Variants in GABRG3 observed in about 807,000 individuals in gnomAD.
GABRG3 encodes gamma-aminobutyric acid type A receptor subunit gamma3, also known as gamma-aminobutyric acid receptor subunit gamma-3.
Under a neutral mutation model 48.8 loss-of-function variants are expected in GABRG3, and 25 were observed. The observed-to-expected ratio is 0.51, with a 90% CI of 0.37 to 0.72. The LOEUF (loss-of-function observed/expected upper bound fraction) is 0.72, where lower values mean the gene tolerates loss of function less well. Ranked by LOEUF, GABRG3 falls within the 30% of genes least tolerant of loss-of-function variation. The pLI is 0.00. For synonymous variants in GABRG3, 227 were observed against 217.6 expected, an observed-to-expected ratio of 1.04 and a Z score of -0.38; for missense variants, 394 against 577.9, an observed-to-expected ratio of 0.68 and a Z score of 3.26.
At chr15:27,364,944 C>T (rs1190282666) in intron 5 of GABRG3, 1 of 150,902 alleles carries the variant, frequency 6.6e-6, no homozygotes, top group Non-Finnish European at 1.5e-5. Context: ...AAGAAACTTG[C>T]AAGACTAGGA....
intron 3 of GABRG3, among the ~76,000 whole-genome samples, chr15:27,063,334 T>C (rs1322420876): frequency 6.6e-6 from 1 of 152,224 alleles, no homozygotes; most frequent in Non-Finnish European, 1.5e-5. Flanking sequence ...GTTTGGATGT[T>C]TGTCCCCTCC....
chr15:27,134,628 G>C (rs79580844), intron 3 of GABRG3, among the ~76,000 whole-genome samples: 2,783 of 152,160 alleles, frequency 0.018, 90 homozygotes, highest in African/African-American at 0.064. Context: ...CTCTCCTAGT[G>C]TTCACTGTCC....
chr15:27,356,029 A>G (rs994760848), intron 5 of GABRG3, among the ~76,000 whole-genome samples: 1 of 152,208 alleles, frequency 6.6e-6, no homozygotes, highest in Non-Finnish European at 1.5e-5. Flanking sequence ...AAGGTCTGGA[A>G]TTAGATTGTT....
Position 27,102,704 on chromosome 15 carries a change from C to G in GABRG3, c.270+75883C>G, listed in dbSNP as rs575642847. Among the ~76,000 whole-genome samples the G allele has an allele frequency of 5.3e-5, 8 of 152,224 alleles. No homozygotes were observed. The East Asian group carries it at 1.2e-3, about 22-fold the overall frequency. ...TGCTATGGGTTGAATTACAGTATTT[C>G]CACCATATAATTGTGAGCTTACTTC... On this transcript the variant is annotated intron_variant, in intron 3 of 9. Transcript: ENST00000615808.
At chr15:27,326,295 A>G (rs1460381352) in intron 3 of GABRG3, among the ~76,000 whole-genome samples, 3 of 152,220 alleles carry the variant, frequency 2.0e-5, no homozygotes, top group Non-Finnish European at 4.4e-5. Context: ...GTTGCTTGAG[A>G]AGACTCAAGT....
At chr15:27,112,801 TATCA>T (rs1414240746) in intron 3 of GABRG3, among the ~76,000 whole-genome samples, 5 of 152,198 alleles carry the variant, frequency 3.3e-5, no homozygotes, top group Admixed American at 3.3e-4. Context: ...GTGGACACCC[TATCA>T]ATCAGTCAGC....
chr15:27,084,878 T>G (rs1897050499), intron 3 of GABRG3, among the ~76,000 whole-genome samples: 2 of 152,090 alleles, frequency 1.3e-5, no homozygotes, highest in Admixed American at 1.3e-4. Context: ...ACAGATGGGA[T>G]CAACATAAAA....
chr15:27,153,095 T>C (rs1379974441), intron 3 of GABRG3, among the ~76,000 whole-genome samples: 2 of 152,152 alleles, frequency 1.3e-5, no homozygotes, highest in Non-Finnish European at 2.9e-5. Flanking sequence ...TCTCCTGACC[T>C]TGTGATCCGC....
intron 2 of GABRG3, among the ~76,000 whole-genome samples, chr15:26,982,166 G>A (rs1026049493): frequency 3.3e-5 from 5 of 152,210 alleles, no homozygotes; most frequent in Non-Finnish European, 7.3e-5. Context: ...CTAGTGTGAA[G>A]AGTGTGCAGC....
chr15:27,262,198 T>C (rs1890788909), intron 3 of GABRG3, among the ~76,000 whole-genome samples: 2 of 152,240 alleles, frequency 1.3e-5, no homozygotes, highest in Non-Finnish European at 2.9e-5. Context: ...CAAGGGGAGC[T>C]GAGTGCCTCG....
chr15:27,255,891 T>C (rs1219475511), intron 3 of GABRG3, among the ~76,000 whole-genome samples: 2 of 151,352 alleles, frequency 1.3e-5, no homozygotes, highest in Non-Finnish European at 2.9e-5. Context: ...AGCATGTGTT[T>C]AGTGACTTTT....
rs867579616 is a variant in GABRG3 at position 27,216,789 on chromosome 15, T to A, written c.271-110020T>A. ...TTATTTATTTTTTAATTTTTTTTTT[T>A]ATTATACTCTAAGTTTTAGGGTACA... is the stretch of plus-strand genomic sequence containing the variant. On this transcript the variant is annotated intron_variant, in intron 3 of 9. Transcript: ENST00000615808. Among the ~76,000 whole-genome samples the A allele has an allele frequency of 6.0e-3, 745 of 124,644 alleles. 7 individuals carry two copies. Among genetic ancestry groups the A allele is most frequent in the Middle Eastern group, 8.1e-3 (2 of 246 alleles). The allele number at this position is 124,644 out of a possible 152,430, so 81.8% of individuals were successfully genotyped here.
At chr15:27,402,039 A>G (rs1287018611) in intron 5 of GABRG3, among the ~76,000 whole-genome samples, 1 of 152,222 alleles carries the variant, frequency 6.6e-6, no homozygotes, top group Non-Finnish European at 1.5e-5. Context: ...TGATGATTTT[A>G]TTTTAAAATA....
intron 3 of GABRG3, among the ~76,000 whole-genome samples, chr15:27,028,805 C>CAAAA (rs35610809): frequency 9.8e-6 from 1 of 102,550 alleles, no homozygotes; most frequent in Admixed American, 1.1e-4. Context: ...GACTTCATCT[C>CAAAA]AAAAAAAAAA....
At chr15:27,038,968 A>G (rs899008755) in intron 3 of GABRG3, among the ~76,000 whole-genome samples, 9 of 152,238 alleles carry the variant, frequency 5.9e-5, no homozygotes, top group Non-Finnish European at 8.8e-5. Context: ...CAGAGCCAGC[A>G]GAAATCAAAT....
At chr15:27,485,266 A>G (rs1890194129) in intron 6 of GABRG3, among the ~76,000 whole-genome samples, 1 of 152,188 alleles carries the variant, frequency 6.6e-6, no homozygotes, top group Admixed American at 6.5e-5. Context: ...GTGAAAGTCA[A>G]TAATTAAAAT....
intron 5 of GABRG3, among the ~76,000 whole-genome samples, chr15:27,370,422 A>G (rs1169452620): frequency 6.6e-6 from 1 of 152,174 alleles, no homozygotes; most frequent in Non-Finnish European, 1.5e-5. Context: ...TTAGCTGTGG[A>G]CATCAGACAA....
chr15:27,065,230 C>A (rs571711791), intron 3 of GABRG3, among the ~76,000 whole-genome samples: 1 of 152,180 alleles, frequency 6.6e-6, no homozygotes, highest in Admixed American at 6.5e-5. Context: ...ACTAAGTGAA[C>A]AAATGGATGC....
chr15:26,976,881 G>A lies in GABRG3; in HGVS notation c.54-121G>A. On this transcript the variant is annotated intron_variant, in intron 1 of 9. Transcript: ENST00000615808. This position sits in a 1 kb window ranked among gnomAD's most constrained non-coding sequence, Gnocchi z 7.8. ...ATATTTTCGGGTTTTCACGTGTGTG[G>A]TTGGGCTGTGGGTACTGGGGACTTT... 1 of 896,116 alleles carries A rather than the reference G, an allele frequency of 1.1e-6. No homozygotes were observed. The highest frequency in any genetic ancestry group is 1.7e-6 in the Non-Finnish European group (1 of 572,320). The allele number at this position is 896,116 out of a possible 1,614,324, so 55.5% of individuals were successfully genotyped here.
Sources: gnomAD v4.1 joint callset for allele counts (sites outside exome capture counted in the v4.1 genomes callset) on GRCh38, gnomAD v4.1.1 for gene constraint, Gnocchi (gnomAD v3.1) non-coding constraint, MANE v1.5 for transcripts, NCBI Gene and HGNC (gene_info 2026-07-23, HGNC 2026-07-21) for gene names.